The following TRPS1 variants were observed in gnomAD, a reference collection of about 807,000 sequenced individuals.
TRPS1 encodes the protein zinc finger transcription factor Trps1.
A neutral mutation model predicts 101.2 loss-of-function variants in TRPS1; 6 were observed. That is an observed-to-expected ratio of 0.06 (90% CI 0.03 to 0.12). TRPS1 has a LOEUF of 0.12. Among genes scored for constraint, TRPS1 ranks in the 10% least tolerant of loss-of-function variants. TRPS1 has a pLI of 1.00. For missense variants in TRPS1, 1,363 were observed against 1,567.0 expected (o/e 0.87, Z 2.20); for synonymous variants, 578 against 589.8 (o/e 0.98, Z 0.29).
intron 5 of TRPS1, among the ~76,000 whole-genome samples, chr8:115,467,023 G>A (rs1476855869): frequency 6.6e-6 from 1 of 152,038 alleles, no homozygotes; most frequent in Non-Finnish European, 1.5e-5. Context: ...TCCTGTAATG[G>A]TTGGTACGAT....
intron 5 of TRPS1, among the ~76,000 whole-genome samples, chr8:115,469,818 C>T (rs1334449442): frequency 1.3e-5 from 2 of 152,134 alleles, no homozygotes; most frequent in Admixed American, 6.5e-5. Flanking sequence ...GGTGAGCCAC[C>T]GTGCCCAGCC....
chr8:115,612,277 A>G (rs1818187997), intron 3 of TRPS1, among the ~76,000 whole-genome samples: 1 of 151,946 alleles, frequency 6.6e-6, no homozygotes, highest in African/African-American at 2.4e-5. Flanking sequence ...GAGGAGGAGG[A>G]AAGAATAGGA....
intron 1 of TRPS1, among the ~76,000 whole-genome samples, chr8:115,638,087 G>A (rs1047687373): frequency 8.5e-5 from 13 of 152,238 alleles, no homozygotes; most frequent in African/African-American, 2.9e-4. Context: ...TACACCCCAT[G>A]TAAATCAGTA....
intron 5 of TRPS1, among the ~76,000 whole-genome samples, chr8:115,448,748 C>CT (rs1813798023): frequency 6.6e-6 from 1 of 152,146 alleles, no homozygotes; most frequent in African/African-American, 2.4e-5. Context: ...TACTAGACAA[C>CT]TTTATTTTTC....
intron 5 of TRPS1, among the ~76,000 whole-genome samples, chr8:115,475,292 A>G (rs1006148975): frequency 1.4e-3 from 199 of 143,120 alleles, no homozygotes; most frequent in Non-Finnish European, 2.5e-3. Context: ...ATATATATAT[A>G]TATATATATA....
intron 5 of TRPS1, among the ~76,000 whole-genome samples, chr8:115,455,060 C>T (rs1813982038): frequency 6.6e-6 from 1 of 152,196 alleles, no homozygotes; most frequent in Non-Finnish European, 1.5e-5. Context: ...TCATTACTAA[C>T]TAAATAATGC....
intron 5 of TRPS1, among the ~76,000 whole-genome samples, chr8:115,421,554 C>T (rs964096064): frequency 1.3e-5 from 2 of 152,006 alleles, no homozygotes; most frequent in Non-Finnish European, 2.9e-5. Flanking sequence ...TCTAGGTGTT[C>T]GCACCTAGAA....
At chr8:115,555,729 G>A (rs928979027) in intron 5 of TRPS1, among the ~76,000 whole-genome samples, 1 of 152,104 alleles carries the variant, frequency 6.6e-6, no homozygotes, top group African/African-American at 2.4e-5. Context: ...AGACTAGCAG[G>A]GCACAGTGGC....
At chr8:115,616,580 T>C (rs1311523636) in intron 3 of TRPS1, among the ~76,000 whole-genome samples, 2 of 152,052 alleles carry the variant, frequency 1.3e-5, no homozygotes, top group African/African-American at 4.8e-5. Flanking sequence ...CCACCAACTG[T>C]TCTGAATGTT....
At chr8:115,659,252 TACTG>T (rs755706574) in intron 1 of TRPS1, among the ~76,000 whole-genome samples, 5 of 151,968 alleles carry the variant, frequency 3.3e-5, no homozygotes, top group African/African-American at 1.2e-4. Context: ...TGTAACTACT[TACTG>T]ACTACTTGTA....
intron 5 of TRPS1, among the ~76,000 whole-genome samples, chr8:115,548,411 C>T (rs1816628145): frequency 2.0e-5 from 3 of 152,054 alleles, no homozygotes; most frequent in Non-Finnish European, 4.4e-5. Flanking sequence ...AATCCCAGCT[C>T]ACCGCAACCT....
intron 5 of TRPS1, among the ~76,000 whole-genome samples, chr8:115,510,397 T>C (rs963819767): frequency 1.3e-5 from 2 of 151,990 alleles, no homozygotes; most frequent in Non-Finnish European, 2.9e-5. Context: ...TGATCACTCA[T>C]GCCAGGGCTC....
At chr8:115,571,573 G>A (rs1817204068) in intron 5 of TRPS1, among the ~76,000 whole-genome samples, 1 of 152,094 alleles carries the variant, frequency 6.6e-6, no homozygotes, top group Admixed American at 6.6e-5. Flanking sequence ...CTTTTAAAAT[G>A]ACTTAATGTG....
chr8:115,590,447 T>C (rs1419874523), intron 4 of TRPS1, among the ~76,000 whole-genome samples: 1 of 152,178 alleles, frequency 6.6e-6, no homozygotes, highest in Non-Finnish European at 1.5e-5. Context: ...CCAAAACTGG[T>C]AGCTCCAGTG....
intron 5 of TRPS1, among the ~76,000 whole-genome samples, chr8:115,451,126 G>T (rs1586286134): frequency 1.3e-5 from 2 of 152,114 alleles, no homozygotes; most frequent in African/African-American, 4.8e-5. Context: ...TGCAAAGAAG[G>T]TAAAACCTGT....
chr8:115,527,207 CCTT>C (rs1816019978), intron 5 of TRPS1, among the ~76,000 whole-genome samples: 1 of 151,818 alleles, frequency 6.6e-6, no homozygotes, highest in African/African-American at 2.4e-5. Flanking sequence ...TCTGACTCCG[CCTT>C]CTTATTAATT....
intron 5 of TRPS1, among the ~76,000 whole-genome samples, chr8:115,486,786 A>C (rs1355524248): frequency 6.6e-6 from 1 of 152,196 alleles, no homozygotes; most frequent in African/African-American, 2.4e-5. Context: ...AAAAATCTTA[A>C]TCTAGCAGAG....
intron 4 of TRPS1, among the ~76,000 whole-genome samples, chr8:115,590,154 C>T (rs1409488776): frequency 1.3e-5 from 2 of 152,036 alleles, no homozygotes; most frequent in South Asian, 2.1e-4. Context: ...AAAACCCACA[C>T]ACATTCTAGT....
intron 5 of TRPS1, among the ~76,000 whole-genome samples, chr8:115,454,815 G>T (rs962375916): frequency 6.6e-6 from 1 of 151,946 alleles, no homozygotes; most frequent in African/African-American, 2.4e-5. Flanking sequence ...TGGTACAAAG[G>T]TTTCATTTTA....
Sources: allele counts gnomAD v4.1 joint callset (sites outside exome capture counted in the v4.1 genomes callset), GRCh38; gene constraint gnomAD v4.1.1; transcripts MANE v1.5; gene names NCBI Gene and HGNC (gene_info 2026-07-23, HGNC 2026-07-21).